MPPED2: variants seen among roughly 807,000 people sequenced by gnomAD.
MPPED2 encodes metallophosphoesterase MPPED2.
Under a neutral mutation model 33.0 loss-of-function variants are expected in MPPED2, and 5 were observed. That is an observed-to-expected ratio of 0.15 (90% CI 0.08 to 0.32). MPPED2 has a LOEUF of 0.32. MPPED2 is among the 10% of genes least tolerant of loss of function. The probability of loss-of-function intolerance (pLI) is 1.00; values close to 1 mark genes in which losing one functional copy is unlikely to be tolerated. For missense variants in MPPED2, 275 were observed against 372.1 expected, an observed-to-expected ratio of 0.74 and a Z score of 2.15; for synonymous variants, 136 against 141.9, an observed-to-expected ratio of 0.96 and a Z score of 0.29.
chr11:30,550,779 G>A (rs1024911868), intron 2 of MPPED2, among the ~76,000 whole-genome samples: 1 of 152,106 alleles, frequency 6.6e-6, no homozygotes, highest in Admixed American at 6.5e-5. Flanking sequence ...ATGATGAGAG[G>A]CCAAACATCA....
intron 6 of MPPED2, among the ~76,000 whole-genome samples, chr11:30,405,031 C>T (rs2133714579): frequency 6.6e-6 from 1 of 152,156 alleles, no homozygotes; most frequent in Non-Finnish European, 1.5e-5. Context: ...ATGTGGGAGG[C>T]TATGGCAGCA....
At chr11:30,452,723 T>C (rs1044905912) in intron 4 of MPPED2, among the ~76,000 whole-genome samples, 3 of 152,186 alleles carry the variant, frequency 2.0e-5, no homozygotes, top group African/African-American at 7.2e-5. Context: ...AAGCTGCCTT[T>C]GGTTGTCTTG....
chr11:30,525,547 C>G (rs1441817253), intron 3 of MPPED2, among the ~76,000 whole-genome samples: 1 of 151,902 alleles, frequency 6.6e-6, no homozygotes, highest in Non-Finnish European at 1.5e-5. Flanking sequence ...GTTTTTTTCT[C>G]TTTAGGAGAT....
intron 1 of MPPED2, among the ~76,000 whole-genome samples, chr11:30,583,017 T>C (rs1014417632): frequency 4.6e-5 from 7 of 152,088 alleles, no homozygotes; most frequent in Non-Finnish European, 8.8e-5. Flanking sequence ...TCACAGCACC[T>C]TTACAGACAA....
At chr11:30,499,224 C>A (rs1380988708) in intron 3 of MPPED2, among the ~76,000 whole-genome samples, 1 of 152,120 alleles carries the variant, frequency 6.6e-6, no homozygotes, top group Admixed American at 6.5e-5. Context: ...TTTTCACTTT[C>A]CCATCACACC....
At chr11:30,473,442 CAACAG>C (rs1327767143) in intron 4 of MPPED2, among the ~76,000 whole-genome samples, 1 of 152,116 alleles carries the variant, frequency 6.6e-6, no homozygotes, top group African/African-American at 2.4e-5. Context: ...TTAAGGCTCT[CAACAG>C]AAAACTTCAA....
chr11:30,560,191 A>G (rs1238834498), intron 2 of MPPED2, among the ~76,000 whole-genome samples: 1 of 152,190 alleles, frequency 6.6e-6, no homozygotes, highest in Non-Finnish European at 1.5e-5. Context: ...TTTCAAGAAA[A>G]TAAGTGGGAG....
chr11:30,493,295 C>T (rs1952072850), intron 4 of MPPED2, among the ~76,000 whole-genome samples: 1 of 150,246 alleles, frequency 6.7e-6, no homozygotes, highest in Non-Finnish European at 1.5e-5. Flanking sequence ...GGCGTGAACC[C>T]GGAAGGCGGA....
chr11:30,583,043 AT>A (rs778494453), intron 1 of MPPED2, among the ~76,000 whole-genome samples: 8 of 149,834 alleles, frequency 5.3e-5, no homozygotes. Flanking sequence ...GAAAAGGCTT[AT>A]TTTTTAAAAT....
downstream of MPPED2, among the ~76,000 whole-genome samples, chr11:30,406,805 T>C (rs1174804250): frequency 6.6e-6 from 1 of 152,192 alleles, no homozygotes; most frequent in Admixed American, 6.5e-5. Context: ...ACCCCATACC[T>C]AGCAGTGTTT....
chr11:30,463,633 A>G (rs905875972), intron 4 of MPPED2, among the ~76,000 whole-genome samples: 6 of 152,218 alleles, frequency 3.9e-5, no homozygotes, highest in African/African-American at 1.4e-4. Flanking sequence ...CCAACCTGTG[A>G]GAAATGGAGC....
intron 2 of MPPED2, among the ~76,000 whole-genome samples, chr11:30,569,197 G>A (rs1382070011): frequency 2.6e-5 from 4 of 152,056 alleles, no homozygotes; most frequent in African/African-American, 4.8e-5. Flanking sequence ...CACCACCACC[G>A]AGGGGCACAA....
chr11:30,526,703 CA>C (rs11339582), intron 3 of MPPED2, among the ~76,000 whole-genome samples: 45,371 of 126,638 alleles, frequency 0.36, 7,273 homozygotes, highest in East Asian at 0.45. Flanking sequence ...GAATAAATCT[CA>C]AAAAAAAAAA....
intron 4 of MPPED2, among the ~76,000 whole-genome samples, chr11:30,449,511 G>A (rs1225250196): frequency 6.8e-6 from 1 of 147,730 alleles, no homozygotes; most frequent in African/African-American, 2.7e-5. Context: ...GGGTGTGGTG[G>A]CGTGCGCCTG....
intron 3 of MPPED2, among the ~76,000 whole-genome samples, chr11:30,520,858 G>T (rs919761293): frequency 4.6e-5 from 7 of 152,138 alleles, no homozygotes; most frequent in Admixed American, 1.3e-4. Context: ...AGCAGCCAAG[G>T]GGGTAAGTGG....
intron 2 of MPPED2, among the ~76,000 whole-genome samples, chr11:30,560,509 C>G (rs1403854737): frequency 6.6e-6 from 1 of 152,076 alleles, no homozygotes; most frequent in Non-Finnish European, 1.5e-5. Context: ...CCTACTGAAC[C>G]AATATCTTAG....
intron 4 of MPPED2, among the ~76,000 whole-genome samples, chr11:30,458,328 G>C (rs1161536994): frequency 6.6e-6 from 1 of 152,216 alleles, no homozygotes; most frequent in Non-Finnish European, 1.5e-5. Context: ...AATGGGAAAA[G>C]AGGACACCCT....
At chr11:30,451,636 T>A (rs950966276) in intron 4 of MPPED2, 4 of 906,604 alleles carry the variant, frequency 4.4e-6, no homozygotes, top group Non-Finnish European at 5.3e-6. Flanking sequence ...ATTTTAATGA[T>A]AAAAGAAGCC....
intron 2 of MPPED2, among the ~76,000 whole-genome samples, chr11:30,578,743 T>C (rs1957035259): frequency 6.6e-6 from 1 of 152,186 alleles, no homozygotes; most frequent in Non-Finnish European, 1.5e-5. Context: ...ACTGAAGCTA[T>C]TCTAAAGTAT....
Sources: gnomAD v4.1 joint callset for allele counts (sites outside exome capture counted in the v4.1 genomes callset) on GRCh38, gnomAD v4.1.1 for gene constraint, MANE v1.5 for transcripts, NCBI Gene and HGNC (gene_info 2026-07-23, HGNC 2026-07-21) for gene names.